Variants in PIP4K2A observed in about 807,000 individuals in gnomAD.
PIP4K2A encodes phosphatidylinositol 5-phosphate 4-kinase type-2 alpha.
PIP4K2A carries 14 observed loss-of-function variants against 42.9 expected under a neutral mutation model. The ratio of observed to expected loss-of-function variants is 0.33; its 90% CI spans 0.22 to 0.51. PIP4K2A has a LOEUF of 0.51. PIP4K2A is among the 20% of genes least tolerant of loss of function. The probability of loss-of-function intolerance (pLI) is 0.97; values close to 1 mark genes in which losing one functional copy is unlikely to be tolerated. For missense variants in PIP4K2A, 434 were observed against 519.8 expected (o/e 0.83, Z 1.61); for synonymous variants, 192 against 192.2 (o/e 1.00, Z 0.01).
intron 4 of PIP4K2A, among the ~76,000 whole-genome samples, chr10:22,583,097 CATTCA>C (rs1837315647): frequency 1.3e-5 from 2 of 152,210 alleles, no homozygotes; most frequent in African/African-American, 4.8e-5. Flanking sequence ...GGATGTGCCT[CATTCA>C]ATTTGTGACA....
At chr10:22,606,862 T>C (rs1392266338) in intron 3 of PIP4K2A, among the ~76,000 whole-genome samples, 1 of 152,240 alleles carries the variant, frequency 6.6e-6, no homozygotes, top group African/African-American at 2.4e-5. Flanking sequence ...TCAGATTTTT[T>C]CAGATTTCAG....
intron 1 of PIP4K2A, among the ~76,000 whole-genome samples, chr10:22,670,371 A>C (rs540179367): frequency 6.6e-6 from 1 of 152,240 alleles, no homozygotes; most frequent in East Asian, 1.9e-4. Flanking sequence ...AAACAAAACC[A>C]AAAACAAAAC....
intron 1 of PIP4K2A, among the ~76,000 whole-genome samples, chr10:22,685,465 C>T (rs1178499573): frequency 6.6e-6 from 1 of 152,108 alleles, no homozygotes; most frequent in Non-Finnish European, 1.5e-5. Flanking sequence ...GAGGCTGAGG[C>T]AGGAGGATCA....
chr10:22,595,958 C>G (rs754147465), intron 3 of PIP4K2A, among the ~76,000 whole-genome samples: 2 of 152,082 alleles, frequency 1.3e-5, no homozygotes, highest in Non-Finnish European at 2.9e-5. Flanking sequence ...GTAATCCCAG[C>G]ACTTTGGGAG....
At chr10:22,712,775 TCAA>T (rs1833932528) in intron 1 of PIP4K2A, among the ~76,000 whole-genome samples, 1 of 152,202 alleles carries the variant, frequency 6.6e-6, no homozygotes, top group Admixed American at 6.5e-5. Flanking sequence ...TAATCATTTC[TCAA>T]CTTTTCCAAA....
chr10:22,537,765 C>T (rs549510474), intron 9 of PIP4K2A, among the ~76,000 whole-genome samples: 54 of 152,224 alleles, frequency 3.5e-4, no homozygotes, highest in Non-Finnish European at 7.3e-4. Flanking sequence ...GACAGAGGCC[C>T]CCAGCTCAGT....
intron 8 of PIP4K2A, among the ~76,000 whole-genome samples, chr10:22,540,980 C>T (rs1481200051): frequency 1.3e-5 from 2 of 152,296 alleles, no homozygotes; most frequent in Non-Finnish European, 2.9e-5. Flanking sequence ...CTCAGATCCT[C>T]AGCTGATATG....
chr10:22,612,095 A>G (rs971305521), intron 1 of PIP4K2A, among the ~76,000 whole-genome samples: 1 of 152,256 alleles, frequency 6.6e-6, no homozygotes, highest in Non-Finnish European at 1.5e-5. Context: ...TGAAAACTTC[A>G]GCCAACATGG....
intron 4 of PIP4K2A, among the ~76,000 whole-genome samples, chr10:22,584,977 C>T (rs1203479628): frequency 6.6e-6 from 1 of 152,194 alleles, no homozygotes; most frequent in Non-Finnish European, 1.5e-5. Flanking sequence ...ACATGAGCAT[C>T]ACCTGGGGGC....
intron 3 of PIP4K2A, among the ~76,000 whole-genome samples, chr10:22,605,217 A>G (rs1043119188): frequency 2.1e-5 from 3 of 139,810 alleles, no homozygotes; most frequent in African/African-American, 1.0e-4. Context: ...TTTAATAGAA[A>G]TACAGTTGCC....
chr10:22,710,243 G>A (rs1053500963), intron 1 of PIP4K2A, among the ~76,000 whole-genome samples: 4 of 152,038 alleles, frequency 2.6e-5, no homozygotes, highest in East Asian at 1.9e-4. Context: ...AGATTCCCAC[G>A]GTAAAGACCC....
chr10:22,565,253 C>A (rs1309976592), intron 6 of PIP4K2A, among the ~76,000 whole-genome samples: 1 of 152,208 alleles, frequency 6.6e-6, no homozygotes, highest in African/African-American at 2.4e-5. Context: ...GCCTCTCATG[C>A]CTACTGGATA....
intron 6 of PIP4K2A, among the ~76,000 whole-genome samples, chr10:22,551,336 C>A (rs951859468): frequency 2.6e-5 from 4 of 152,182 alleles, no homozygotes; most frequent in African/African-American, 9.7e-5. Flanking sequence ...CTGTTCACCA[C>A]TCCAAGAAGG....
chr10:22,614,588 A>T (rs942954065), intron 1 of PIP4K2A, among the ~76,000 whole-genome samples: 3 of 152,184 alleles, frequency 2.0e-5, no homozygotes, highest in South Asian at 4.1e-4. Flanking sequence ...AAAACAGAGG[A>T]TCTACTACTT....
At chr10:22,676,590 G>A (rs761747137) in intron 1 of PIP4K2A, among the ~76,000 whole-genome samples, 11 of 152,172 alleles carry the variant, frequency 7.2e-5, no homozygotes, top group African/African-American at 1.2e-4. Context: ...AAGGGCAAGA[G>A]ACTAACCAGA....
chr10:22,552,253 G>C (rs1311920042), intron 6 of PIP4K2A, among the ~76,000 whole-genome samples: 1 of 152,036 alleles, frequency 6.6e-6, no homozygotes, highest in Non-Finnish European at 1.5e-5. Context: ...AAAGCACGTA[G>C]GTAGAAAATA....
rs1564448260 is a variant in PIP4K2A at position 22,627,588 on chromosome 10, T to TA, written c.145-17872dup. Among the ~76,000 whole-genome samples the TA allele has an allele frequency of 1.6e-3, 63 of 38,950 alleles. 7 individuals are homozygous for TA. Among genetic ancestry groups the TA allele is most frequent in the Admixed American group, 3.9e-3 (9 of 2,336 alleles). 25.6% of individuals were successfully genotyped at this position (38,950 alleles called of 152,430 possible). A position where few individuals can be genotyped will look rare whatever the true frequency, so the allele number is the denominator to read the frequency against. On this transcript the variant is annotated intron_variant, in intron 1 of 9. Transcript: ENST00000376573. ...ATTTGTTTAACCAAAAGCTAATATG[T>TA]AATAAAAAAAAAAAAAAAAAAAAAA...
intron 3 of PIP4K2A, among the ~76,000 whole-genome samples, chr10:22,598,301 C>T (rs571116058): frequency 2.0e-5 from 3 of 152,098 alleles, no homozygotes; most frequent in Admixed American, 6.6e-5. Flanking sequence ...GAGGCTGCAG[C>T]GAGCCATGAT....
intron 1 of PIP4K2A, among the ~76,000 whole-genome samples, chr10:22,698,296 T>C (rs777236255): frequency 5.9e-5 from 9 of 152,208 alleles, no homozygotes; most frequent in Admixed American, 2.0e-4. Flanking sequence ...TCTTTGCTGT[T>C]CAATTTAGAA....
Sources: gnomAD v4.1 joint callset for allele counts (sites outside exome capture counted in the v4.1 genomes callset) on GRCh38, gnomAD v4.1.1 for gene constraint, MANE v1.5 for transcripts, NCBI Gene and HGNC (gene_info 2026-07-23, HGNC 2026-07-21) for gene names.